The following ELAC2 variants were observed in gnomAD, a reference collection of about 807,000 sequenced individuals.
ELAC2 encodes the protein zinc phosphodiesterase ELAC protein 2.
ELAC2 carries 92 observed loss-of-function variants against 105.2 expected under a neutral mutation model. The observed-to-expected ratio is 0.87, with a 90% CI of 0.74 to 1.04. ELAC2 has a LOEUF of 1.04. Among genes scored for constraint, ELAC2 ranks in the 50% least tolerant of loss-of-function variants. The pLI, the probability that ELAC2 is intolerant of heterozygous loss-of-function variation, is 0.00. For synonymous variants in ELAC2, 468 were observed against 409.1 expected (o/e 1.14, Z -1.74); for missense variants, 1,099 against 1,071.7 (o/e 1.03, Z -0.36).
chr17:12,996,547 C>T lies in ELAC2; in HGVS notation c.1659G>A (p.Thr553=), dbSNP rs200420215. The change falls in exon 17 of 24, where the codon ACG becomes ACA. Residue 553 remains threonine, a splice_region_variant and synonymous_variant. Transcript: ENST00000338034. ...FVSHLHADHH[T]GLPSILLQRE... is the part of the protein sequence containing the mutation. ...CTTTGTGGTCCAGCCCAACACTCAC[C>T]GTGTGGTGATCTGCGTGCAGGTGGG... is the stretch of plus-strand genomic sequence containing the variant. 7.1e-5 allele frequency: 115 copies of T among 1,613,740 alleles called. No homozygotes were observed. In the African/African-American group the frequency reaches 1.1e-3, roughly 16 times the overall value.
chr17:13,007,105 T>A (rs1283879642), intron 8 of ELAC2, among the ~76,000 whole-genome samples: 5 of 147,422 alleles, frequency 3.4e-5, no homozygotes, highest in African/African-American at 7.5e-5. Context: ...AGTGAGACTC[T>A]GTCTCAAAAA....
At position 12,994,783 on chromosome 17, in the gene ELAC2, G is replaced by A. The variant is rs1598197387; in HGVS notation, c.2010C>T (p.Cys670=). The change falls in exon 21 of 24, where the codon TGC becomes TGT. Residue 670 remains cysteine (C), a synonymous_variant. Coordinates refer to ENST00000338034, the MANE Select transcript of ELAC2 (RefSeq NM_018127.7). The part of the protein sequence containing the change: ...KVVYSGDTMP[C]EALVRMGKDA... ...ACTCACCCATCCGGACCAGAGCCTC[G>A]CAGGGCATGGTGTCCCCGGAATAGA... 8 of 1,613,916 alleles carry A rather than the reference G, an allele frequency of 5.0e-6. No homozygotes were observed. The highest frequency in any genetic ancestry group is 1.3e-5 in the African/African-American group (1 of 75,038).
At chr17:13,007,101 ACT>A (rs2041151089) in intron 8 of ELAC2, among the ~76,000 whole-genome samples, 1 of 149,752 alleles carries the variant, frequency 6.7e-6, no homozygotes, top group African/African-American at 2.5e-5. Context: ...ACAGAGTGAG[ACT>A]CTGTCTCAAA....
rs777199929 is a variant in ELAC2 at position 12,995,918 on chromosome 17, G to A, written c.1698+22C>T. ...TGTGTAAACCGCTGAAACTCAGAAC[G>A]CCCATCAAGTGCCACACTTACCAAG... is the stretch of plus-strand genomic sequence containing the variant. On this transcript the variant is annotated intron_variant, in intron 18 of 23. Coordinates refer to ENST00000338034, the MANE Select transcript of ELAC2 (RefSeq NM_018127.7). 1.3e-5 allele frequency: 20 copies of A among 1,589,558 alleles called. 1 individual carries two copies. The highest frequency in any genetic ancestry group is 6.8e-5 in the South Asian group (6 of 87,634).
At chr17:13,017,306 G>A in intron 1 of ELAC2, 185 bp from the exon 2 acceptor site, 7 of 686,798 alleles carry the variant, frequency 1.0e-5, no homozygotes, top group Non-Finnish European at 1.8e-5. Context: ...GAGGTGGAGA[G>A]GAGTGGGGGC....
intron 22 of ELAC2, 86 bp downstream of exon 22, chr17:12,994,339 C>T: frequency 6.9e-7 from 1 of 1,441,714 alleles, no homozygotes; most frequent in South Asian, 1.1e-5. Flanking sequence ...AGCCCCACAT[C>T]AGTGGAGACA....
intron 19 of ELAC2, among the ~76,000 whole-genome samples, chr17:12,995,494 G>C (rs1051576256): frequency 6.6e-6 from 1 of 152,358 alleles, no homozygotes; most frequent in Non-Finnish European, 1.5e-5. Context: ...GGGAAGAAAT[G>C]CTTCTAAGAA....
intron 14 of ELAC2, 102 bp from the exon 15 acceptor site, chr17:13,000,376 G>T: frequency 9.0e-7 from 1 of 1,115,952 alleles, no homozygotes; most frequent in Non-Finnish European, 1.4e-6. Flanking sequence ...ACAATCTGCA[G>T]GAAGTTCCTT....
chr17:13,000,328 C>T, intron 14 of ELAC2, 54 bp from the exon 15 acceptor site: 1 of 1,504,930 alleles, frequency 6.6e-7, no homozygotes, highest in Non-Finnish European at 9.2e-7. Flanking sequence ...ATGGCCTCAG[C>T]AGACCCCATT....
chr17:13,015,154 T>C (rs1336476050), intron 4 of ELAC2, among the ~76,000 whole-genome samples: 1 of 152,230 alleles, frequency 6.6e-6, no homozygotes, highest in African/African-American at 2.4e-5. Flanking sequence ...CTCTGGCTGC[T>C]GTGTGGCAGA....
At chr17:13,017,161 A>G (rs373292580) in intron 1 of ELAC2, 40 bp from the exon 2 acceptor site, 5 of 1,558,490 alleles carry the variant, frequency 3.2e-6, no homozygotes, top group Middle Eastern at 3.3e-4. Context: ...AGAAGGTTTT[A>G]TTCTGTAAAC....
At chr17:13,008,952 G>A (rs1045309515) in intron 8 of ELAC2, among the ~76,000 whole-genome samples, 1 of 152,182 alleles carries the variant, frequency 6.6e-6, no homozygotes. Context: ...GCCCGAGTGT[G>A]TAAAAGTGAG....
At position 13,017,736 on chromosome 17, in the gene ELAC2, C is replaced by T; in HGVS notation, c.212G>A (p.Gly71Asp). 6.2e-7 allele frequency: 1 copy of T among 1,612,398 alleles called. No individual in the cohort carries two copies. Among genetic ancestry groups the T allele is most frequent in the Non-Finnish European group, 8.5e-7 (1 of 1,179,618 alleles). ...QVVAAGSRDS[G>D]AALYVFSEFN... ...CTCGGAGAAGACGTAGAGCGCGGCGCCCGAGTCCCGGCTACCCGCTGCCAC... is the reference window on the plus strand; with the variant it reads ...CTCGGAGAAGACGTAGAGCGCGGCGTCCGAGTCCCGGCTACCCGCTGCCAC... Residue 71 changes from glycine to aspartate, a missense_variant, in exon 1 of 24, where the codon GGC becomes GAC. By Grantham distance (94) the Gly-to-Asp change is moderately conservative (BLOSUM62 -1). Coordinates refer to ENST00000338034, the MANE Select transcript of ELAC2 (RefSeq NM_018127.7).
intron 5 of ELAC2, among the ~76,000 whole-genome samples, chr17:13,014,116 ACC>A (rs1161841242): frequency 1.3e-5 from 2 of 151,962 alleles, no homozygotes; most frequent in Non-Finnish European, 2.9e-5. Context: ...ACATGGTGAA[ACC>A]CCGTCTCTAC....
rs764874284 is a variant in ELAC2, at chr17:12,996,734, A to G, written c.1521-49T>C. The G allele has an allele frequency of 1.0e-5, 16 of 1,601,882 alleles. No individual in the cohort carries two copies. The South Asian group carries it at 1.6e-4, about 16-fold the overall frequency. ...GTCACTGCCACTAGGAAGACTGCTG[A>G]TGGTTCAGAGGCTGATGTCTGCTTT... On this transcript the variant is annotated intron_variant, in intron 16 of 23. Transcript: ENST00000338034.
chr17:13,014,344 G>A, intron 5 of ELAC2, 95 bp downstream of exon 5: 1 of 937,724 alleles, frequency 1.1e-6, no homozygotes, highest in Non-Finnish European at 1.7e-6. Flanking sequence ...TGATTTTGAG[G>A]TTTGATGTTG....
intron 5 of ELAC2, among the ~76,000 whole-genome samples, chr17:13,013,697 C>A (rs1001573010): frequency 2.6e-5 from 4 of 152,292 alleles, no homozygotes; most frequent in Admixed American, 1.3e-4. Context: ...CACACCAGTG[C>A]CAGGACAAGA....
chr17:12,993,625 G>A (rs1168480532), intron 23 of ELAC2, 62 bp downstream of exon 23: 11 of 1,609,684 alleles, frequency 6.8e-6, no homozygotes, highest in Non-Finnish European at 9.3e-6. Flanking sequence ...GTCCTACTCA[G>A]TGTGTAGAGT....
chr17:13,001,962 G>A (rs1007829054), intron 14 of ELAC2, among the ~76,000 whole-genome samples: 6 of 152,192 alleles, frequency 3.9e-5, no homozygotes, highest in Admixed American at 2.6e-4. Flanking sequence ...TCTATACTGT[G>A]AAACACACGA....
Sources: allele counts gnomAD v4.1 joint callset (sites outside exome capture counted in the v4.1 genomes callset), GRCh38; gene constraint gnomAD v4.1.1; transcripts MANE v1.5; gene names NCBI Gene and HGNC (gene_info 2026-07-23, HGNC 2026-07-21).